Variants in AMMECR1 observed in about 807,000 individuals in gnomAD.
AMMECR1 encodes the protein nuclear protein AMMECR1.
A neutral mutation model predicts 22.5 loss-of-function variants in AMMECR1; 3 were observed. The observed-to-expected ratio is 0.13, with a 90% CI of 0.06 to 0.35. The LOEUF (loss-of-function observed/expected upper bound fraction) is 0.35. Among genes scored for constraint, AMMECR1 ranks in the 10% least tolerant of loss-of-function variants. AMMECR1 has a pLI of 1.00. For missense variants in AMMECR1, 235 were observed against 278.7 expected, an observed-to-expected ratio of 0.84 and a Z score of 1.12; for synonymous variants, 130 against 116.7, an observed-to-expected ratio of 1.11 and a Z score of -0.74.
chrX:110,298,710 A>G (rs2067950293), intron 1 of AMMECR1, among the ~76,000 whole-genome samples: 1 of 111,679 alleles, frequency 9.0e-6, no homozygotes. Flanking sequence ...TTACAAAGTC[A>G]TTAAGACCTC....
intron 3 of AMMECR1, among the ~76,000 whole-genome samples, chrX:110,214,945 C>A (rs1292942322): frequency 1.8e-5 from 2 of 111,435 alleles, no homozygotes; most frequent in Non-Finnish European, 3.8e-5. Flanking sequence ...AAGAACCACC[C>A]AGACTATAAT....
intron 2 of AMMECR1, among the ~76,000 whole-genome samples, chrX:110,425,952 G>C (rs1405674102): frequency 9.0e-6 from 1 of 111,712 alleles, no homozygotes; most frequent in Non-Finnish European, 1.9e-5. Context: ...AGGCATTGAG[G>C]ATTTATAAGT....
chrX:110,428,061 G>C (rs931343709), intron 1 of AMMECR1, among the ~76,000 whole-genome samples: 10 of 112,187 alleles, frequency 8.9e-5, no homozygotes, highest in African/African-American at 2.6e-4. Context: ...TTCTTCTCTG[G>C]TTAGTTGTCT....
chrX:110,254,115 A>G (rs1336821831), intron 2 of AMMECR1, among the ~76,000 whole-genome samples: 1 of 111,085 alleles, frequency 9.0e-6, no homozygotes, highest in Admixed American at 9.6e-5. Context: ...TTCAAAACAT[A>G]CCGACCTCCC....
chrX:110,333,680 G>A (rs937567135), intron 2 of AMMECR1, among the ~76,000 whole-genome samples: 1 of 111,385 alleles, frequency 9.0e-6, no homozygotes, highest in South Asian at 3.8e-4. Flanking sequence ...GCAGGGACAT[G>A]GATGAAGCTG....
intron 2 of AMMECR1, among the ~76,000 whole-genome samples, chrX:110,262,035 TAATA>T (rs1303979624): frequency 8.9e-6 from 1 of 111,735 alleles, no homozygotes; most frequent in Admixed American, 9.5e-5. Flanking sequence ...AGTAAATTCT[TAATA>T]AATGGCAGCC....
rs955085163 is a variant in AMMECR1, at chrX:110,353,714, T to G, written c.-147-35865A>C. On this transcript the variant is annotated intron_variant, in intron 2 of 7. Transcript: ENST00000372057. ...TCAATCTTAAATTTGTAAAGGCATG[T>G]TTTGTGGCCTAACATGATCTATCAT... Among the ~76,000 whole-genome samples, 5 of 111,705 alleles carry G rather than the reference T, an allele frequency of 4.5e-5. No homozygotes were observed. In the South Asian group the frequency reaches 1.9e-3, roughly 41 times the overall value.
chrX:110,407,353 G>A (rs749826167), intron 2 of AMMECR1, among the ~76,000 whole-genome samples: 2 of 112,209 alleles, frequency 1.8e-5, no homozygotes, highest in Non-Finnish European at 3.8e-5. Flanking sequence ...ATCCTAGTGA[G>A]CCTCACAGGA....
intron 2 of AMMECR1, among the ~76,000 whole-genome samples, chrX:110,378,513 T>A (rs1345842858): frequency 8.9e-6 from 1 of 112,293 alleles, no homozygotes; most frequent in Non-Finnish European, 1.9e-5. Flanking sequence ...CTCCTCATCC[T>A]GGCATTCGAA....
intron 1 of AMMECR1, among the ~76,000 whole-genome samples, chrX:110,435,199 G>A (rs1163720154): frequency 9.1e-6 from 1 of 110,280 alleles, no homozygotes; most frequent in African/African-American, 3.3e-5. Context: ...GAGGAGCTCT[G>A]TGCACAGAAC....
intron 2 of AMMECR1, among the ~76,000 whole-genome samples, chrX:110,245,284 C>G (rs953676943): frequency 1.8e-5 from 2 of 111,931 alleles, no homozygotes; most frequent in Admixed American, 9.5e-5. Context: ...TTCTGTAACC[C>G]CCTCAAATGT....
chrX:110,198,466 T>C lies in AMMECR1; in HGVS notation c.*54A>G. On this transcript the variant is annotated 3_prime_UTR_variant, in exon 6 of 6. Coordinates refer to ENST00000262844, the MANE Select transcript of AMMECR1 (RefSeq NM_015365.3). The stretch of plus-strand genomic sequence containing the variant: ...ATAGCTAGACCAAGAAGGTGTAGGG[T>C]CTCCTGGGAAGAGGTCTGCAGAGAG... The C allele has an allele frequency of 1.3e-6, 1 of 776,584 alleles. No homozygotes were observed. Among genetic ancestry groups the C allele is most frequent in the Non-Finnish European group, 1.8e-6 (1 of 546,027 alleles). The allele number at this position is 776,584 out of a possible 1,213,427, so 64.0% of individuals were successfully genotyped here. A position where few individuals can be genotyped will look rare whatever the true frequency, so the allele number is the denominator to read the frequency against.
In AMMECR1 at chrX:110,356,662, CAT is replaced by C. The variant is rs201320295; in HGVS notation, c.-147-38815_-147-38814del. 5.8e-3 allele frequency among the ~76,000 whole-genome samples: 629 copies of C among 109,385 alleles called. 8 individuals carry two copies. Among genetic ancestry groups the C allele is most frequent in the East Asian group, 0.037 (129 of 3,518 alleles). 95.0% of individuals were successfully genotyped at this position (109,385 alleles called of 115,157 possible). A position where few individuals can be genotyped will look rare whatever the true frequency, so the allele number is the denominator to read the frequency against. ...CATAGATCAAAACATCACATTGTAC[CAT>C]ATATATATATACACACCTTATCATT... On this transcript the variant is annotated intron_variant, in intron 2 of 7. Coordinates refer to the AMMECR1 transcript ENST00000372057.
chrX:110,370,015 A>G (rs979624637), intron 2 of AMMECR1, among the ~76,000 whole-genome samples: 5 of 110,512 alleles, frequency 4.5e-5, no homozygotes, highest in Non-Finnish European at 7.6e-5. Context: ...CAAAATGAGT[A>G]AGAAACCACT....
intron 2 of AMMECR1, among the ~76,000 whole-genome samples, chrX:110,396,224 A>G (rs1456113080): frequency 9.0e-6 from 1 of 111,082 alleles, no homozygotes; most frequent in Non-Finnish European, 1.9e-5. Context: ...CTTGAAAAAA[A>G]TTATTATGGA....
chrX:110,265,911 T>A (rs1040598057), intron 1 of AMMECR1, among the ~76,000 whole-genome samples: 20 of 111,331 alleles, frequency 1.8e-4, no homozygotes, highest in Non-Finnish European at 3.6e-4. Context: ...ACAGCCACAA[T>A]GGCAGATAGG....
intron 2 of AMMECR1, among the ~76,000 whole-genome samples, chrX:110,233,598 C>A (rs1291314985): frequency 8.9e-6 from 1 of 112,105 alleles, no homozygotes; most frequent in African/African-American, 3.2e-5. Context: ...TACTGGCAAA[C>A]CGAATCCAGT....
At chrX:110,235,187 T>C (rs2067593614) in intron 2 of AMMECR1, among the ~76,000 whole-genome samples, 1 of 112,001 alleles carries the variant, frequency 8.9e-6, no homozygotes, top group Non-Finnish European at 1.9e-5. Context: ...AACAGACACT[T>C]CTCAAAAGAA....
Position 110,257,617 on chromosome X carries a change from A to G in AMMECR1, c.584+6872T>C, listed in dbSNP as rs1049183443. 1.0e-3 allele frequency among the ~76,000 whole-genome samples: 116 copies of G among 112,253 alleles called. 1 individual carries two copies. The highest frequency in any genetic ancestry group is 5.6e-3 in the Admixed American group (59 of 10,605). ...CCTTTTTGGACCATGTAGGATAAAA[A>G]CAAGCCAGAAAGTGGTACATACTGT... On this transcript the variant is annotated intron_variant, in intron 2 of 5. Coordinates refer to ENST00000262844, the MANE Select transcript of AMMECR1 (RefSeq NM_015365.3).
Sources: allele counts gnomAD v4.1 joint callset (sites outside exome capture counted in the v4.1 genomes callset), GRCh38; gene constraint gnomAD v4.1.1; transcripts MANE v1.5; gene names NCBI Gene and HGNC (gene_info 2026-07-23, HGNC 2026-07-21).